JCAD: variants seen among roughly 807,000 people sequenced by gnomAD.
JCAD encodes junctional cadherin 5-associated protein.
A neutral mutation model predicts 98.0 loss-of-function variants in JCAD; 40 were observed. The observed-to-expected ratio is 0.41, with a 90% CI of 0.32 to 0.53. JCAD has a LOEUF of 0.53. Ranked by LOEUF, JCAD falls within the 20% of genes least tolerant of loss-of-function variation. JCAD has a pLI of 0.31. For missense variants in JCAD, 1,705 were observed against 1,738.1 expected, an observed-to-expected ratio of 0.98 and a Z score of 0.34; for synonymous variants, 691 against 682.3, an observed-to-expected ratio of 1.01 and a Z score of -0.20.
intron 1 of JCAD, among the ~76,000 whole-genome samples, chr10:30,099,928 C>A (rs1838440931): frequency 6.6e-6 from 1 of 152,172 alleles, no homozygotes; most frequent in Admixed American, 6.6e-5. Context: ...CCTGCTCTGC[C>A]CTGACTCATT....
chr10:30,031,120 A>G (rs772512913), intron 2 of JCAD, among the ~76,000 whole-genome samples: 2 of 151,776 alleles, frequency 1.3e-5, no homozygotes, highest in Non-Finnish European at 2.9e-5. Context: ...ATTTGTATTT[A>G]TATTTTTATT....
intron 1 of JCAD, among the ~76,000 whole-genome samples, chr10:30,085,709 T>G (rs1398838268): frequency 3.9e-5 from 6 of 152,174 alleles, no homozygotes; most frequent in African/African-American, 7.2e-5. Context: ...CCTAAAAAAG[T>G]GGCCCTCCAG....
At chr10:30,108,849 A>T (rs1026561941) in intron 1 of JCAD, among the ~76,000 whole-genome samples, 2 of 151,104 alleles carry the variant, frequency 1.3e-5, no homozygotes, top group South Asian at 4.2e-4. Context: ...CGTGCTCAAG[A>T]TTAAAAAAAA....
At chr10:30,092,034 CAAAAAAAAAAAAAAAAAA>C (rs1198107053) in intron 1 of JCAD, among the ~76,000 whole-genome samples, 2 of 35,410 alleles carry the variant, frequency 5.6e-5, no homozygotes, top group African/African-American at 2.8e-4. Flanking sequence ...TCCCCCACCA[CAAAAAAAAAAAAAAAAAA>C]AAAAAAAAAA....
At chr10:30,042,852 T>G (rs985225486) in intron 2 of JCAD, among the ~76,000 whole-genome samples, 1 of 152,254 alleles carries the variant, frequency 6.6e-6, no homozygotes, top group African/African-American at 2.4e-5. Flanking sequence ...GAAACTTTAC[T>G]GCTAGGAAGT....
intron 1 of JCAD, among the ~76,000 whole-genome samples, chr10:30,103,713 CAGTT>C (rs769966230): frequency 6.0e-5 from 9 of 150,308 alleles, no homozygotes; most frequent in Non-Finnish European, 7.4e-5. Flanking sequence ...TGATAATAAA[CAGTT>C]AGTGAGTCAA....
chr10:30,083,161 A>T (rs1838115479), intron 1 of JCAD, among the ~76,000 whole-genome samples: 1 of 151,488 alleles, frequency 6.6e-6, no homozygotes, highest in Non-Finnish European at 1.5e-5. Flanking sequence ...GTAATCTCTT[A>T]TTTTTTTTTA....
At chr10:30,104,878 A>G (rs1386818790) in intron 1 of JCAD, among the ~76,000 whole-genome samples, 12 of 152,010 alleles carry the variant, frequency 7.9e-5, no homozygotes. Context: ...GGGTTGGCTG[A>G]AAAATGGTAG....
intron 1 of JCAD, among the ~76,000 whole-genome samples, chr10:30,105,500 T>C (rs915962321): frequency 1.3e-5 from 2 of 152,018 alleles, no homozygotes; most frequent in Admixed American, 1.3e-4. Context: ...ATTTTTGTAT[T>C]TTTAGTAGAG....
At chr10:30,020,770 G>A (rs1836646137) in intron 3 of JCAD, among the ~76,000 whole-genome samples, 1 of 152,192 alleles carries the variant, frequency 6.6e-6, no homozygotes, top group African/African-American at 2.4e-5. Flanking sequence ...TTCACATTCT[G>A]AGAGGGTCCT....
rs568689611 is a variant in JCAD at position 30,043,477 on chromosome 10, A to G, written c.281+4055T>C. Among the ~76,000 whole-genome samples, 11 of 152,304 alleles carry G rather than the reference A, an allele frequency of 7.2e-5. No homozygotes were observed. The South Asian group carries it at 2.3e-3, about 32-fold the overall frequency. Reference sequence around the variant, plus strand: ...TGATATTCCAGCTAAGCCCCAGATGATGGATAATCCTGCCTTCCATGTATG... The same window carrying G: ...TGATATTCCAGCTAAGCCCCAGATGGTGGATAATCCTGCCTTCCATGTATG... On this transcript the variant is annotated intron_variant, in intron 2 of 3. Transcript: ENST00000375377.
intron 3 of JCAD, among the ~76,000 whole-genome samples, chr10:30,025,134 G>C (rs2132609232): frequency 6.6e-6 from 1 of 152,230 alleles, no homozygotes; most frequent in East Asian, 1.9e-4. Context: ...CTGGAGACTG[G>C]GTAGGAAGAG....
At chr10:30,032,355 A>C (rs1837020418) in intron 2 of JCAD, among the ~76,000 whole-genome samples, 1 of 152,208 alleles carries the variant, frequency 6.6e-6, no homozygotes, top group Admixed American at 6.5e-5. Flanking sequence ...TGACTCTAGC[A>C]TGCGGGGAGA....
chr10:30,092,241 G>A lies in JCAD; in HGVS notation n.129-22420C>T, dbSNP rs1393167276. Among the ~76,000 whole-genome samples, 5 of 150,482 alleles carry A rather than the reference G, an allele frequency of 3.3e-5. No individual in the cohort carries two copies. The East Asian group carries it at 7.8e-4, about 24-fold the overall frequency. ...ATCCTCTGGAAGGAGAAAGGAGAAT[G>A]GCCGAGAAAGCAGAGGAAGGGGAGG... On this transcript the variant is annotated intron_variant and non_coding_transcript_variant, in intron 1 of 2. Transcript: ENST00000465712.
At position 30,027,791 on chromosome 10, in the gene JCAD, A is replaced by G. The variant is rs752735198; in HGVS notation, c.2357T>C (p.Val786Ala). ...GTGGGCTCCAAGCCCGTGGACATCCACGCAGGGCTGACTTCGGCCTGCTTT... is the reference window on the plus strand; with the variant it reads ...GTGGGCTCCAAGCCCGTGGACATCCGCGCAGGGCTGACTTCGGCCTGCTTT... The part of the protein sequence containing the change: ...TPKAGRSQPC[V>A]DVHGLGAHPG... Residue 786 changes from valine (V) to alanine (A), a missense_variant, in exon 3 of 4, where the codon GTG becomes GCG. By Grantham distance (64) the Val-to-Ala change is moderately conservative. This residue lies in a region of JCAD where 1,278 missense variants were observed against 1,243.1 expected (regional missense o/e 1.03). Transcript: ENST00000375377. 4 of 1,614,110 alleles carry G rather than the reference A, an allele frequency of 2.5e-6. No homozygotes were observed. The highest frequency in any genetic ancestry group is 1.7e-5 in the Admixed American group (1 of 60,006).
At chr10:30,100,560 T>C (rs1838454241) in intron 1 of JCAD, among the ~76,000 whole-genome samples, 1 of 152,126 alleles carries the variant, frequency 6.6e-6, no homozygotes, top group Non-Finnish European at 1.5e-5. Flanking sequence ...TTTTTGGTAT[T>C]TGTAGTACCG....
chr10:30,110,346 G>T (rs951010361), intron 1 of JCAD, among the ~76,000 whole-genome samples: 2 of 151,910 alleles, frequency 1.3e-5, no homozygotes, highest in Admixed American at 6.6e-5. Context: ...ATGATGTATG[G>T]ACTCCCTGAT....
At position 30,026,881 on chromosome 10, in the gene JCAD, G is replaced by T. The variant is rs753882816; in HGVS notation, c.3267C>A (p.Ile1089=). ...GESLQARAAR[I]LGIEVAVESL... ...ACTCCACCGCCACCTCAATGCCCAG[G>T]ATCCTTGCAGCCCTGGCTTGCAAGG... is the stretch of plus-strand genomic sequence containing the variant. The change falls in exon 3 of 4, where the codon ATC becomes ATA. Residue 1089 remains isoleucine, a synonymous_variant. Transcript: ENST00000375377. 111 of 1,613,864 alleles carry T rather than the reference G, an allele frequency of 6.9e-5. No homozygotes were observed. The highest frequency in any genetic ancestry group is 9.2e-5 in the Non-Finnish European group (108 of 1,179,986).
At chr10:30,059,832 A>G (rs1397408983), upstream of JCAD, among the ~76,000 whole-genome samples, 2 of 152,230 alleles carry the variant, frequency 1.3e-5, no homozygotes, top group East Asian at 3.8e-4. The surrounding 1 kb of genome is among the most constrained non-coding windows in gnomAD (Gnocchi z 5.0). Flanking sequence ...AGATACACAG[A>G]AAGCAAACAT....
Sources: allele counts gnomAD v4.1 joint callset (sites outside exome capture counted in the v4.1 genomes callset), GRCh38; gene constraint gnomAD v4.1.1; regional missense constraint gnomAD v4.1.1; non-coding constraint Gnocchi (gnomAD v3.1); transcripts MANE v1.5; gene names NCBI Gene and HGNC (gene_info 2026-07-23, HGNC 2026-07-21).